Variants in SCYL1 observed in about 807,000 individuals in gnomAD.
SCYL1 encodes SCY1 like pseudokinase 1.
A neutral mutation model predicts 94.8 loss-of-function variants in SCYL1; 85 were observed. The ratio of observed to expected loss-of-function variants is 0.90; its 90% confidence interval spans 0.75 to 1.07. The LOEUF (loss-of-function observed/expected upper bound fraction) is 1.07, where lower values mean the gene tolerates loss of function less well. Ranked by LOEUF, SCYL1 falls within the 50% of genes least tolerant of loss-of-function variation. The pLI, the probability that SCYL1 is intolerant of heterozygous loss-of-function variation, is 0.00. For synonymous variants in SCYL1, 459 were observed against 435.5 expected (o/e 1.05, Z -0.67); for missense variants, 968 against 1,083.3 (o/e 0.89, Z 1.49).
In SCYL1 at chr11:65,536,094, G is replaced by C; in HGVS notation, c.1528G>C (p.Val510Leu). The C allele has an allele frequency of 6.2e-7, 1 of 1,614,176 alleles. No homozygotes were observed. The highest frequency in any genetic ancestry group is 8.5e-7 in the Non-Finnish European group (1 of 1,180,004). The change falls in exon 11 of 18, where the codon GTG (valine) becomes CTG (leucine). Residue 510 changes from valine (V) to leucine (L), a missense_variant. This residue lies in a region of SCYL1 where 474 missense variants were observed against 463.6 expected (regional missense o/e 1.02). Coordinates refer to ENST00000270176, the MANE Select transcript of SCYL1 (RefSeq NM_020680.4). ...CGACTGTGCCCAGAAGATCCTGCCT[G>C]TGCTCTGCGGTCTCACTGTAGATCC... is the stretch of plus-strand genomic sequence containing the variant. ...MNDCAQKILP[V>L]LCGLTVDPEK... is the part of the protein sequence containing the mutation.
intron 6 of SCYL1, among the ~76,000 whole-genome samples, chr11:65,530,093 G>A (rs1012584207): frequency 1.3e-5 from 2 of 152,136 alleles, no homozygotes; most frequent in African/African-American, 4.8e-5. Flanking sequence ...TCAGTGGGAG[G>A]ATGAGGTCTG....
chr11:65,538,002 A>G lies in SCYL1; in HGVS notation c.2067A>G (p.Pro689=), dbSNP rs745551832. Residue 689 remains proline, a synonymous_variant, in exon 16 of 18, where the codon CCA becomes CCG. Transcript: ENST00000270176. ...SNSDHKSSKS[P]ESDWSSWEAE... ...CCGACCACAAATCCTCCAAATCCCC[A>G]GAGTCCGACTGGAGCAGCTGGGAAG... 10 of 1,612,932 alleles carry G rather than the reference A, an allele frequency of 6.2e-6. No individual in the cohort carries two copies. The highest frequency in any genetic ancestry group is 2.7e-5 in the African/African-American group (2 of 75,018).
chr11:65,529,631 C>G (rs1383703171), intron 6 of SCYL1, among the ~76,000 whole-genome samples: 1 of 152,228 alleles, frequency 6.6e-6, no homozygotes, highest in African/African-American at 2.4e-5. Context: ...CTCTCCCCGG[C>G]CAAGCCGCGG....
intron 6 of SCYL1, among the ~76,000 whole-genome samples, chr11:65,528,314 G>C (rs1855192720): frequency 6.6e-6 from 1 of 152,088 alleles, no homozygotes; most frequent in Non-Finnish European, 1.5e-5. Context: ...GGTGGCACAT[G>C]CCTGTAATCC....
At chr11:65,531,553 A>C in intron 7 of SCYL1, 23 bp from the exon 8 acceptor site, 2 of 1,571,492 alleles carry the variant, frequency 1.3e-6, no homozygotes, top group African/African-American at 1.3e-5. Context: ...TGAGCAGCTG[A>C]ACCCATCTTC....
In SCYL1 at chr11:65,535,220, C is replaced by T. The variant is rs1855573899; in HGVS notation, c.1231-7C>T. 6.2e-7 allele frequency: 1 copy of T among 1,613,082 alleles called. No homozygotes were observed. The highest frequency in any genetic ancestry group is 1.3e-5 in the African/African-American group (1 of 75,028). On this transcript the variant is annotated splice_region_variant and splice_polypyrimidine_tract_variant and intron_variant, in intron 9 of 17. Coordinates refer to ENST00000270176, the MANE Select transcript of SCYL1 (RefSeq NM_020680.4). ...GCCCACAGTTCCCACTCATTTCTGC[C>T]CCACAGTCCATGCTGCTCCTGGCCC...
Position 65,526,350 on chromosome 11 carries a change from G to T in SCYL1, c.602G>T (p.Trp201Leu). Reference sequence around the variant, plus strand: ...AGTGGCAGAGTGGTCAGAGAGAAGTGGTGGGTGACTGGGGGCAGCGCGCCC... The same window carrying T: ...AGTGGCAGAGTGGTCAGAGAGAAGTTGTGGGTGACTGGGGGCAGCGCGCCC... ...DSSGRVVREK[W>L]SADMWRLGCL... Residue 201 changes from tryptophan (W) to leucine (L), a missense_variant and splice_region_variant, in exon 4 of 18, where the codon TGG becomes TTG. By Grantham distance (61) the Trp-to-Leu change is moderately conservative. This residue lies in a region of SCYL1 where 494 missense variants were observed against 619.7 expected (regional missense o/e 0.80). Transcript: ENST00000270176. This position sits in a 1 kb window ranked among gnomAD's most constrained non-coding sequence, Gnocchi z 4.1. 1 of 1,593,300 alleles carries T rather than the reference G, an allele frequency of 6.3e-7. No individual in the cohort carries two copies. Among genetic ancestry groups the T allele is most frequent in the South Asian group, 1.1e-5 (1 of 89,344 alleles).
At chr11:65,534,687 T>A (rs1178675839) in intron 9 of SCYL1, among the ~76,000 whole-genome samples, 1 of 150,972 alleles carries the variant, frequency 6.6e-6, no homozygotes, top group African/African-American at 2.4e-5. Flanking sequence ...AGGGCAAGAG[T>A]GTTAGATAGA....
At chr11:65,527,710 C>T (rs36085849) in intron 6 of SCYL1, among the ~76,000 whole-genome samples, 5,409 of 132,066 alleles carry the variant, frequency 0.041, 132 homozygotes, top group Non-Finnish European at 0.055. Context: ...CTAGCCCGGG[C>T]GACAGTGTGA....
At chr11:65,536,943 T>A in intron 13 of SCYL1, 43 bp from the exon 14 acceptor site, 3 of 1,532,330 alleles carry the variant, frequency 2.0e-6, no homozygotes, top group Non-Finnish European at 2.7e-6. Flanking sequence ...CTCTGCCCTG[T>A]CCCAAGACCC....
At position 65,536,465 on chromosome 11, in the gene SCYL1, T is replaced by C. The variant is rs978277580; in HGVS notation, c.1652-121T>C. On this transcript the variant is annotated intron_variant, in intron 12 of 17. Transcript: ENST00000270176. ...CTTGACTCAGCTCCCCCTTCACAGA[T>C]GGGAGAAATCAGGCCTGGAGAAAGG... 2.1e-6 allele frequency: 3 copies of C among 1,413,824 alleles called. No homozygotes were observed. In the African/African-American group the frequency reaches 4.3e-5, roughly 20 times the overall value. The allele number at this position is 1,413,824 out of a possible 1,614,324, so 87.6% of individuals were successfully genotyped here. A position where few individuals can be genotyped will look rare whatever the true frequency, so the allele number is the denominator to read the frequency against.
At position 65,538,557 on chromosome 11, in the gene SCYL1, G is replaced by A. The variant is rs1170323107; in HGVS notation, c.2418G>A (p.Lys806=). The A allele has an allele frequency of 1.9e-6, 3 of 1,611,600 alleles. No individual in the cohort carries two copies. Among genetic ancestry groups the A allele is most frequent in the Non-Finnish European group, 2.5e-6 (3 of 1,179,468 alleles). The change falls in exon 18 of 18, where the codon AAG becomes AAA. Residue 806 remains lysine (K), a synonymous_variant. Coordinates refer to ENST00000270176, the MANE Select transcript of SCYL1 (RefSeq NM_020680.4). ...GCCCCATGAAGCTGGGAGCCCGGAA[G>A]CTGGACTGAACCGTGGCGGTGGCCC... ...AKGPMKLGAR[K]LD
At chr11:65,531,487 C>T in intron 7 of SCYL1, 89 bp from the exon 8 acceptor site, 3 of 950,620 alleles carry the variant, frequency 3.2e-6, no homozygotes, top group Non-Finnish European at 5.0e-6. Flanking sequence ...TCATTCCCAC[C>T]CTGGGATATC....
intron 9 of SCYL1, among the ~76,000 whole-genome samples, chr11:65,534,754 G>C: frequency 6.6e-6 from 1 of 152,190 alleles, no homozygotes; most frequent in Non-Finnish European, 1.5e-5. Context: ...AGCAAAAGGA[G>C]CAGCCAGCCA....
chr11:65,533,901 A>G (rs1396749776), intron 9 of SCYL1, among the ~76,000 whole-genome samples: 5 of 152,134 alleles, frequency 3.3e-5, no homozygotes, highest in East Asian at 1.9e-4. Context: ...CCTGGCCAAC[A>G]TGGTAAAACA....
chr11:65,526,453 G>A lies in SCYL1; in HGVS notation c.602+103G>A. ...GGCACTCCCCTGTTCCCTGCTGCCT[G>A]GCTGGGGAGGGAATCAGTGTCCCAG... On this transcript the variant is annotated intron_variant, in intron 4 of 17. Coordinates refer to ENST00000270176, the MANE Select transcript of SCYL1 (RefSeq NM_020680.4). The surrounding 1 kb of genome is among the most constrained non-coding windows in gnomAD (Gnocchi z 4.1). 1 of 941,742 alleles carries A rather than the reference G, an allele frequency of 1.1e-6. No individual in the cohort carries two copies. Among genetic ancestry groups the A allele is most frequent in the Non-Finnish European group, 1.6e-6 (1 of 632,850 alleles). 58.3% of individuals were successfully genotyped at this position (941,742 alleles called of 1,614,324 possible).
intron 8 of SCYL1, 108 bp from the exon 9 acceptor site, chr11:65,532,584 C>A: frequency 1.2e-6 from 1 of 863,770 alleles, no homozygotes; most frequent in Non-Finnish European, 1.9e-6. Context: ...GTTGACCTGG[C>A]TGGCCAGTGC....
intron 10 of SCYL1, 190 bp downstream of exon 10, chr11:65,535,572 G>T: frequency 1.4e-6 from 1 of 740,722 alleles, no homozygotes; most frequent in Non-Finnish European, 2.1e-6. Flanking sequence ...GAGGGATCTG[G>T]GATCTGAATC....
chr11:65,526,748 G>A lies in SCYL1; in HGVS notation c.603-35G>A. The A allele has an allele frequency of 1.9e-6, 3 of 1,593,850 alleles. No individual in the cohort carries two copies. Among genetic ancestry groups the A allele is most frequent in the Non-Finnish European group, 2.6e-6 (3 of 1,167,566 alleles). ...AGGCTGGAGGCCTGTGCAGGTGGTT[G>A]GTGGGGCCCTAAGAGCTCTGGGTCA... On this transcript the variant is annotated intron_variant, in intron 4 of 17. Coordinates refer to ENST00000270176, the MANE Select transcript of SCYL1 (RefSeq NM_020680.4). This position sits in a 1 kb window ranked among gnomAD's most constrained non-coding sequence, Gnocchi z 4.1.
Sources: gnomAD v4.1 joint callset for allele counts (sites outside exome capture counted in the v4.1 genomes callset) on GRCh38, gnomAD v4.1.1 for gene constraint, gnomAD v4.1.1 regional missense constraint, Gnocchi (gnomAD v3.1) non-coding constraint, MANE v1.5 for transcripts, NCBI Gene and HGNC (gene_info 2026-07-23, HGNC 2026-07-21) for gene names.